NUCB2: variants seen among roughly 807,000 people sequenced by gnomAD.
The protein encoded by NUCB2 is nucleobindin-2.
In NUCB2, 48 loss-of-function variants were observed where a neutral mutation model predicts 57.9. The observed-to-expected ratio is 0.83, with a 90% CI of 0.66 to 1.05. The LOEUF is 1.05. NUCB2 is among the 50% of genes least tolerant of loss of function. The pLI, the probability that NUCB2 is intolerant of heterozygous loss-of-function variation, is 0.00. For missense variants in NUCB2, 442 were observed against 476.2 expected (o/e 0.93, Z 0.67); for synonymous variants, 139 against 152.1 (o/e 0.91, Z 0.64).
chr11:17,281,915 A>T (rs919494987), intron 1 of NUCB2, among the ~76,000 whole-genome samples: 5 of 151,902 alleles, frequency 3.3e-5, no homozygotes, highest in African/African-American at 1.2e-4. Flanking sequence ...GAGTTTGCAC[A>T]TGAGCTGATT....
chr11:17,290,220 C>G (rs1944688097), intron 2 of NUCB2, among the ~76,000 whole-genome samples: 1 of 152,144 alleles, frequency 6.6e-6, no homozygotes. Flanking sequence ...TGTTTCTGTG[C>G]TTACAAAATA....
chr11:17,325,158 A>G (rs1011241610), intron 11 of NUCB2, among the ~76,000 whole-genome samples: 1 of 152,188 alleles, frequency 6.6e-6, no homozygotes, highest in Non-Finnish European at 1.5e-5. Flanking sequence ...TGTGTACTCT[A>G]TAGCTGTTGG....
chr11:17,285,106 A>G (rs1943407257), intron 2 of NUCB2, among the ~76,000 whole-genome samples: 1 of 152,212 alleles, frequency 6.6e-6, no homozygotes, highest in South Asian at 2.1e-4. Flanking sequence ...GAGGGGCAAA[A>G]GAAGAGGGTT....
At chr11:17,317,303 TATATATATAAACATGTATATGTGTAC>T (rs1322006439) in intron 11 of NUCB2, among the ~76,000 whole-genome samples, 3 of 152,250 alleles carry the variant, frequency 2.0e-5, no homozygotes, top group South Asian at 4.1e-4. Context: ...ATATGTTATG[TATATATATAAACATGTATATGTGTAC>T]ATATATATAA....
Position 17,331,602 on chromosome 11 carries a change from A to G in NUCB2, c.*183A>G. The G allele has an allele frequency of 2.5e-6, 1 of 404,324 alleles. No homozygotes were observed. The highest frequency in any genetic ancestry group is 4.5e-6 in the Non-Finnish European group (1 of 224,094). 25.0% of individuals were successfully genotyped at this position (404,324 alleles called of 1,614,324 possible). On this transcript the variant is annotated 3_prime_UTR_variant, in exon 14 of 14. Coordinates refer to ENST00000529010, the MANE Select transcript of NUCB2 (RefSeq NM_005013.4). ...AGATATTAAAGGATTGAAGTTTATC[A>G]GAACCAGGAAGAAAACAAACTCACT...
rs540131453 is a variant in NUCB2 at position 17,296,144 on chromosome 11, T to C, written c.185T>C (p.Ile62Thr). ...LYYDEYLKQV[I>T]DVLETDKHFR... ...TATGATGAATATCTCAAGCAAGTGATTGATGTGCTGGAAACAGATAAACAC... is the reference window on the plus strand; with the variant it reads ...TATGATGAATATCTCAAGCAAGTGACTGATGTGCTGGAAACAGATAAACAC... The change falls in exon 4 of 14, where the codon ATT (isoleucine) becomes ACT (threonine). Residue 62 changes from isoleucine (I) to threonine (T), a missense_variant. Coordinates refer to ENST00000529010, the MANE Select transcript of NUCB2 (RefSeq NM_005013.4). 1 of 1,612,180 alleles carries C rather than the reference T, an allele frequency of 6.2e-7. No homozygotes were observed. Among genetic ancestry groups the C allele is most frequent in the East Asian group, 2.2e-5 (1 of 44,736 alleles).
chr11:17,338,436 G>A (rs1426178045), intron 2 of NUCB2, among the ~76,000 whole-genome samples: 1 of 152,084 alleles, frequency 6.6e-6, no homozygotes, highest in African/African-American at 2.4e-5. Context: ...AGCTCTGCAT[G>A]CCTGTGTCAA....
At chr11:17,343,330 T>C (rs1952446955) in intron 2 of NUCB2, among the ~76,000 whole-genome samples, 1 of 152,228 alleles carries the variant, frequency 6.6e-6, no homozygotes, top group South Asian at 2.1e-4. Flanking sequence ...TTGCATCTAG[T>C]TCTCTTTGCT....
At chr11:17,322,786 T>G (rs570654961) in intron 11 of NUCB2, among the ~76,000 whole-genome samples, 4 of 152,246 alleles carry the variant, frequency 2.6e-5, no homozygotes, top group African/African-American at 7.2e-5. Context: ...GTTTTCATTA[T>G]AGAGATCTTA....
In NUCB2 at chr11:17,305,186, T is replaced by C. The variant is rs377202656; in HGVS notation, c.379+3316T>C. Among the ~76,000 whole-genome samples the C allele has an allele frequency of 3.4e-4, 52 of 152,264 alleles. 1 individual carries two copies. The South Asian group carries it at 0.011, about 31-fold the overall frequency. On this transcript the variant is annotated intron_variant, in intron 5 of 13. Coordinates refer to ENST00000529010, the MANE Select transcript of NUCB2 (RefSeq NM_005013.4). ...TAAAAATACAAAAATTAGCTGGGCA[T>C]GGTAGCACATGCCTGTAATCCCAGC...
At chr11:17,298,081 C>CAAAAA (rs34329500) in intron 4 of NUCB2, among the ~76,000 whole-genome samples, 1 of 82,742 alleles carries the variant, frequency 1.2e-5, no homozygotes. Flanking sequence ...GACTTCGTCT[C>CAAAAA]AAAAAAAAAA....
chr11:17,299,683 T>C (rs1490447231), intron 4 of NUCB2, among the ~76,000 whole-genome samples: 10 of 152,146 alleles, frequency 6.6e-5, no homozygotes, highest in Non-Finnish European at 1.3e-4. Context: ...GTGGGTGGAT[T>C]GCTTGAGCTC....
At chr11:17,295,299 T>TA (rs750484432) in intron 2 of NUCB2, 25 bp from the exon 3 acceptor site, 1 of 1,592,384 alleles carries the variant, frequency 6.3e-7, no homozygotes, top group Non-Finnish European at 8.6e-7. Context: ...TTCATGACTT[T>TA]ACCATAATTA....
chr11:17,301,922 C>T, intron 5 of NUCB2, 52 bp downstream of exon 5: 1 of 1,503,956 alleles, frequency 6.6e-7, no homozygotes, highest in Non-Finnish European at 9.1e-7. Flanking sequence ...CCTTTTGAAA[C>T]AGCGTTTTAC....
intron 2 of NUCB2, among the ~76,000 whole-genome samples, chr11:17,289,045 C>A (rs1944492508): frequency 6.6e-6 from 1 of 150,782 alleles, no homozygotes; most frequent in Admixed American, 6.6e-5. Flanking sequence ...CAACCTTTGC[C>A]TCCCAGGTTC....
downstream of NUCB2, chr11:17,333,151 T>A (rs1171390570): frequency 1.3e-5 from 2 of 152,262 alleles, no homozygotes; most frequent in African/African-American, 4.8e-5. Context: ...GGTTTGCCTA[T>A]CAGGCAACCC....
At chr11:17,282,196 AT>A (rs1037553032) in intron 1 of NUCB2, among the ~76,000 whole-genome samples, 5 of 99,440 alleles carry the variant, frequency 5.0e-5, no homozygotes, top group Admixed American at 1.1e-4. Flanking sequence ...ATCTATATCT[AT>A]ATCTATATAT....
In NUCB2 at chr11:17,342,210, CTTCT is replaced by C. The variant is rs1350782515; in HGVS notation, n.2626+4679_2626+4682del. Among the ~76,000 whole-genome samples the C allele has an allele frequency of 1.7e-4, 26 of 152,112 alleles. 1 individual carries two copies. In the South Asian group the frequency reaches 5.2e-3, roughly 30 times the overall value. On this transcript the variant is annotated intron_variant and non_coding_transcript_variant, in intron 2 of 2. Transcript: ENST00000532240. ...CATCTATTTGATTCTTCTCTCTTTTCTTCTTTATTTGTCTTGCTAGCGGTCTACC... is the reference window on the plus strand; with the variant it reads ...CATCTATTTGATTCTTCTCTCTTTTCTTATTTGTCTTGCTAGCGGTCTACC...
At chr11:17,317,494 G>A (rs1461702588) in intron 11 of NUCB2, 1 of 347,622 alleles carries the variant, frequency 2.9e-6, no homozygotes, top group Non-Finnish European at 5.9e-6. Context: ...TCTAGACTTA[G>A]TGAGATTTTG....
Sources: allele counts gnomAD v4.1 joint callset (sites outside exome capture counted in the v4.1 genomes callset), GRCh38; gene constraint gnomAD v4.1.1; transcripts MANE v1.5; gene names NCBI Gene and HGNC (gene_info 2026-07-23, HGNC 2026-07-21).